The following MYT1L variants were observed in gnomAD, a reference collection of about 807,000 sequenced individuals.
MYT1L encodes the protein myelin transcription factor 1 like, also known as myelin transcription factor 1-like protein.
A neutral mutation model predicts 126.7 loss-of-function variants in MYT1L; 12 were observed. That is an observed-to-expected ratio of 0.09 (90% CI 0.06 to 0.15). MYT1L has a LOEUF of 0.15. Ranked by LOEUF, MYT1L falls within the 10% of genes least tolerant of loss-of-function variation. MYT1L has a pLI of 1.00. For synonymous variants in MYT1L, 541 were observed against 604.2 expected (o/e 0.90, Z 1.53); for missense variants, 979 against 1,585.2 (o/e 0.62, Z 6.49).
In MYT1L at chr2:1,936,004, C is replaced by T. The variant is rs143495049; in HGVS notation, c.505+6978G>A. Among the ~76,000 whole-genome samples, 7 of 152,304 alleles carry T rather than the reference C, an allele frequency of 4.6e-5. No individual in the cohort carries two copies. The South Asian group carries it at 1.0e-3, about 23-fold the overall frequency. On this transcript the variant is annotated intron_variant, in intron 9 of 24. Transcript: ENST00000647738. Reference sequence around the variant, plus strand: ...TGTGATCTCGGCTCACAGCAACCTCCGCCTCCCAAGTAGGTTCAAGCAATT... The same window carrying T: ...TGTGATCTCGGCTCACAGCAACCTCTGCCTCCCAAGTAGGTTCAAGCAATT...
chr2:2,107,224 G>A (rs550546739), intron 3 of MYT1L, among the ~76,000 whole-genome samples: 1 of 152,332 alleles, frequency 6.6e-6, no homozygotes, highest in Admixed American at 6.5e-5. Flanking sequence ...CCATCACCAT[G>A]AAGCCCTGCC....
At chr2:2,262,658 A>G (rs906112604) in intron 2 of MYT1L, among the ~76,000 whole-genome samples, 2 of 137,394 alleles carry the variant, frequency 1.5e-5, no homozygotes, top group African/African-American at 5.5e-5. Flanking sequence ...GTGCCACTGC[A>G]CTCCAGCCTG....
chr2:2,302,436 G>A (rs2095799297), intron 1 of MYT1L, among the ~76,000 whole-genome samples: 1 of 152,198 alleles, frequency 6.6e-6, no homozygotes, highest in Non-Finnish European at 1.5e-5. Context: ...CTTTGAAAAT[G>A]TGGGGCCACT....
chr2:1,902,389 C>T (rs892024128), intron 14 of MYT1L, among the ~76,000 whole-genome samples: 3 of 152,218 alleles, frequency 2.0e-5, no homozygotes, highest in Admixed American at 2.0e-4. Context: ...CCGGCAGCAC[C>T]CCAGGCTGGG....
intron 2 of MYT1L, among the ~76,000 whole-genome samples, chr2:2,245,423 A>G (rs971642888): frequency 1.3e-5 from 2 of 151,988 alleles, no homozygotes; most frequent in Non-Finnish European, 2.9e-5. Context: ...AGAAGAAAAG[A>G]CTAGATAAGT....
At chr2:1,971,297 C>T (rs1369539783) in intron 8 of MYT1L, among the ~76,000 whole-genome samples, 1 of 152,214 alleles carries the variant, frequency 6.6e-6, no homozygotes, top group African/African-American at 2.4e-5. Context: ...AGGCCATGCC[C>T]AGAGGTGTGT....
At chr2:2,326,594 G>A (rs2096248831) in intron 1 of MYT1L, 1 of 152,018 alleles carries the variant, frequency 6.6e-6, no homozygotes, top group African/African-American at 2.4e-5. Flanking sequence ...CACCACGTGG[G>A]GAGCAGAGAT....
At chr2:2,107,599 G>GT (rs144097801) in intron 3 of MYT1L, among the ~76,000 whole-genome samples, 8,372 of 149,848 alleles carry the variant, frequency 0.056, 280 homozygotes, top group Non-Finnish European at 0.078. Flanking sequence ...TTTTTACGGA[G>GT]TTTTTTTTTT....
rs750452634 is a variant in MYT1L, at chr2:1,791,280, A to G, written c.*587T>C. 346 of 466,492 alleles carry G rather than the reference A, an allele frequency of 7.4e-4. No individual in the cohort carries two copies. The highest frequency in any genetic ancestry group is 1.4e-3 in the Non-Finnish European group (308 of 225,986). The allele number at this position is 466,492 out of a possible 1,614,324, so 28.9% of individuals were successfully genotyped here. On this transcript the variant is annotated 3_prime_UTR_variant, in exon 25 of 25. Coordinates refer to ENST00000647738, the MANE Select transcript of MYT1L (RefSeq NM_001303052.2). This position sits in a 1 kb window ranked among gnomAD's most constrained non-coding sequence, Gnocchi z 6.0. ...CCATCCTCCTAAAACAAACAAACAA[A>G]AAAGTCACATAATATTTCCAAGCAT...
At chr2:2,024,749 G>T (rs1459317194) in intron 4 of MYT1L, among the ~76,000 whole-genome samples, 1 of 152,160 alleles carries the variant, frequency 6.6e-6, no homozygotes, top group East Asian at 1.9e-4. Context: ...ATAGCCAGCC[G>T]CAGTCCACCA....
intron 4 of MYT1L, among the ~76,000 whole-genome samples, chr2:2,012,904 C>T (rs922876108): frequency 3.9e-5 from 6 of 152,132 alleles, no homozygotes; most frequent in African/African-American, 9.7e-5. Context: ...TGTTTATCAT[C>T]GCTCCATGTC....
chr2:2,268,079 T>C (rs1351019909), intron 2 of MYT1L, among the ~76,000 whole-genome samples: 1 of 152,116 alleles, frequency 6.6e-6, no homozygotes, highest in East Asian at 1.9e-4. Flanking sequence ...ACTTATAAGA[T>C]AAGATAGAGT....
intron 23 of MYT1L, among the ~76,000 whole-genome samples, chr2:1,795,352 T>C (rs2033224754): frequency 6.6e-6 from 1 of 152,116 alleles, no homozygotes; most frequent in African/African-American, 2.4e-5. Flanking sequence ...TCAGAACGTC[T>C]TGGAGCTGGC....
intron 3 of MYT1L, among the ~76,000 whole-genome samples, chr2:2,111,666 T>C (rs564063370): frequency 6.6e-6 from 1 of 152,326 alleles, no homozygotes; most frequent in Admixed American, 6.5e-5. Flanking sequence ...AATGATCCAT[T>C]TGCAATCACC....
chr2:2,295,336 G>C lies in MYT1L; in HGVS notation c.-520-10833C>G, dbSNP rs371698642. Among the ~76,000 whole-genome samples, 18 of 152,304 alleles carry C rather than the reference G, an allele frequency of 1.2e-4. No homozygotes were observed. The East Asian group carries it at 2.9e-3, about 25-fold the overall frequency. On this transcript the variant is annotated intron_variant, in intron 1 of 24. Coordinates refer to ENST00000647738, the MANE Select transcript of MYT1L (RefSeq NM_001303052.2). ...ACACCTGGAACAGGAGGTCTCCTGA[G>C]AAACATTTCCTCTGCTGGGTGCTGT...
At chr2:1,965,595 C>T (rs2059288193) in intron 8 of MYT1L, among the ~76,000 whole-genome samples, 1 of 152,258 alleles carries the variant, frequency 6.6e-6, no homozygotes, top group African/African-American at 2.4e-5. Context: ...CCCATCGCCC[C>T]TGCCCTGGCA....
intron 2 of MYT1L, among the ~76,000 whole-genome samples, chr2:2,204,345 T>C (rs879259880): frequency 6.6e-6 from 1 of 150,676 alleles, no homozygotes; most frequent in African/African-American, 2.5e-5. Flanking sequence ...TGGGAGAAAA[T>C]TTTTGCAACC....
chr2:1,799,450 C>CCA (rs2034424099), intron 23 of MYT1L, among the ~76,000 whole-genome samples: 1 of 152,198 alleles, frequency 6.6e-6, no homozygotes, highest in Non-Finnish European at 1.5e-5. Flanking sequence ...AGTACTTCAT[C>CCA]CACAGCTGGC....
chr2:1,967,574 G>A (rs978372302), intron 8 of MYT1L, among the ~76,000 whole-genome samples: 1 of 152,154 alleles, frequency 6.6e-6, no homozygotes, highest in Non-Finnish European at 1.5e-5. Flanking sequence ...AACCATACTG[G>A]CCTCAGGGAA....
Sources: allele counts gnomAD v4.1 joint callset (sites outside exome capture counted in the v4.1 genomes callset), GRCh38; gene constraint gnomAD v4.1.1; non-coding constraint Gnocchi (gnomAD v3.1); transcripts MANE v1.5; gene names NCBI Gene and HGNC (gene_info 2026-07-23, HGNC 2026-07-21).